Variants in EPC2 observed in about 807,000 individuals in gnomAD.
The protein encoded by EPC2 is enhancer of polycomb homolog 2.
Under a neutral mutation model 92.1 loss-of-function variants are expected in EPC2, and 14 were observed. That is an observed-to-expected ratio of 0.15 (90% CI 0.10 to 0.24). The LOEUF (loss-of-function observed/expected upper bound fraction) is 0.24. Ranked by LOEUF, EPC2 falls within the 10% of genes least tolerant of loss-of-function variation. The pLI is 1.00. For missense variants in EPC2, 755 were observed against 971.5 expected, an observed-to-expected ratio of 0.78 and a Z score of 2.96; for synonymous variants, 340 against 334.7, an observed-to-expected ratio of 1.02 and a Z score of -0.17.
chr2:148,753,414 TAA>T (rs1259228899), intron 3 of EPC2, among the ~76,000 whole-genome samples: 2 of 152,242 alleles, frequency 1.3e-5, no homozygotes, highest in African/African-American at 4.8e-5. Context: ...GGAAACATGC[TAA>T]GTTTGTTTTT....
rs1278627257 is a variant in EPC2, at chr2:148,770,873, A to G, written c.1312A>G (p.Thr438Ala). Residue 438 changes from threonine to alanine, a missense_variant, in exon 9 of 14, where the codon ACA becomes GCA. Around this residue, in one of 4 missense-constraint regions of EPC2, gnomAD observed 509 missense variants for 607.7 expected, o/e 0.84. Transcript: ENST00000258484. Reference protein sequence around the residue: ...LDKLRYRHCLTTLTVPRRCIG... With the variant: ...LDKLRYRHCLATLTVPRRCIG... ...TAAGTTGAGGTATAGGCATTGCCTTACAACACTTACAGTCCCAAGAAGATG... is the reference window on the plus strand; with the variant it reads ...TAAGTTGAGGTATAGGCATTGCCTTGCAACACTTACAGTCCCAAGAAGATG... 1 of 1,613,878 alleles carries G rather than the reference A, an allele frequency of 6.2e-7. No individual in the cohort carries two copies. Among genetic ancestry groups the G allele is most frequent in the Non-Finnish European group, 8.5e-7 (1 of 1,179,842 alleles).
intron 1 of EPC2, chr2:148,645,465 C>T (rs548935515): frequency 8.3e-6 from 3 of 363,536 alleles, no homozygotes; most frequent in East Asian, 1.3e-4. Context: ...ATGCGCTGGC[C>T]GCTCTTGGCG....
chr2:148,785,152 C>A (rs1683840230), intron 13 of EPC2, among the ~76,000 whole-genome samples, 151 bp downstream of exon 13: 1 of 152,084 alleles, frequency 6.6e-6, no homozygotes, highest in Non-Finnish European at 1.5e-5. Flanking sequence ...AGCTCTGTGA[C>A]TTAGGTATTT....
At chr2:148,673,153 A>T (rs976227829) in intron 1 of EPC2, among the ~76,000 whole-genome samples, 1 of 152,112 alleles carries the variant, frequency 6.6e-6, no homozygotes, top group South Asian at 2.1e-4. Context: ...TAATTATTAT[A>T]ATGTTTCTCA....
At chr2:148,665,665 C>G (rs1199961709) in intron 1 of EPC2, among the ~76,000 whole-genome samples, 1 of 152,076 alleles carries the variant, frequency 6.6e-6, no homozygotes, top group Non-Finnish European at 1.5e-5. Flanking sequence ...GTTTTCTGCA[C>G]AAGATTGTTT....
chr2:148,777,047 A>G (rs188341634), intron 10 of EPC2, among the ~76,000 whole-genome samples: 5 of 151,864 alleles, frequency 3.3e-5, no homozygotes, highest in Admixed American at 2.0e-4. Flanking sequence ...TTTAGGAGAG[A>G]CGGGGTTTCA....
intron 1 of EPC2, among the ~76,000 whole-genome samples, chr2:148,679,263 C>A (rs1378910765): frequency 6.6e-6 from 1 of 152,148 alleles, no homozygotes; most frequent in African/African-American, 2.4e-5. Flanking sequence ...TAACACTCTT[C>A]TCTAGTAAGG....
chr2:148,728,249 G>A (rs1025369495), intron 2 of EPC2, among the ~76,000 whole-genome samples: 1 of 152,114 alleles, frequency 6.6e-6, no homozygotes, highest in Non-Finnish European at 1.5e-5. Context: ...CCAAGAAAGT[G>A]TATTTTTAAA....
At chr2:148,735,243 A>G (rs1001316994) in intron 2 of EPC2, among the ~76,000 whole-genome samples, 1 of 152,024 alleles carries the variant, frequency 6.6e-6, no homozygotes, top group Non-Finnish European at 1.5e-5. Flanking sequence ...CTTCAAACTG[A>G]TATCAGTTTA....
At chr2:148,761,629 A>G (rs1416945829) in intron 4 of EPC2, among the ~76,000 whole-genome samples, 153 bp from the exon 5 acceptor site, 2 of 152,152 alleles carry the variant, frequency 1.3e-5, no homozygotes, top group African/African-American at 4.8e-5. Context: ...AGAGTTAAAT[A>G]GTTATAGGTT....
At chr2:148,647,196 G>A (rs1683821686) in intron 1 of EPC2, among the ~76,000 whole-genome samples, 1 of 152,118 alleles carries the variant, frequency 6.6e-6, no homozygotes, top group Admixed American at 6.6e-5. Context: ...ACCAACATAC[G>A]TGGTCCTTAG....
At chr2:148,718,249 A>T (rs1273245818) in intron 2 of EPC2, among the ~76,000 whole-genome samples, 1 of 152,084 alleles carries the variant, frequency 6.6e-6, no homozygotes. Context: ...ACATTTAAGG[A>T]TAGAATTCTT....
At chr2:148,685,889 A>T (rs995035100) in intron 1 of EPC2, among the ~76,000 whole-genome samples, 12 of 152,272 alleles carry the variant, frequency 7.9e-5, no homozygotes, top group African/African-American at 2.9e-4. Context: ...TTGCTAAAAA[A>T]TGGTTGCTAA....
At chr2:148,735,830 T>TATAAG (rs70995332) in intron 2 of EPC2, among the ~76,000 whole-genome samples, 29,779 of 151,760 alleles carry the variant, frequency 0.2, 3,520 homozygotes, top group East Asian at 0.48. Flanking sequence ...TTGACTGTCT[T>TATAAG]ATAAGTGATC....
intron 1 of EPC2, among the ~76,000 whole-genome samples, chr2:148,652,673 C>T (rs186900129): frequency 6.6e-6 from 1 of 152,168 alleles, no homozygotes; most frequent in East Asian, 1.9e-4. Context: ...ATGAAAAGAA[C>T]TAACAAATGT....
intron 2 of EPC2, among the ~76,000 whole-genome samples, chr2:148,712,310 C>T (rs1682160848): frequency 6.6e-6 from 1 of 151,932 alleles, no homozygotes; most frequent in Admixed American, 6.6e-5. Context: ...TCCAAGGCCA[C>T]TTGCAAGTAG....
chr2:148,647,256 A>ATT (rs1244579997), intron 1 of EPC2, among the ~76,000 whole-genome samples: 1 of 152,124 alleles, frequency 6.6e-6, no homozygotes. Context: ...ACTTAGAGTA[A>ATT]TTTTTTCATG....
intron 4 of EPC2, among the ~76,000 whole-genome samples, chr2:148,760,124 TC>T (rs1683273926): frequency 2.0e-5 from 3 of 152,072 alleles, no homozygotes; most frequent in Admixed American, 2.0e-4. Flanking sequence ...ATTCGTGTAA[TC>T]CCAGCTACTG....
chr2:148,683,440 G>T (rs982428204), intron 1 of EPC2, among the ~76,000 whole-genome samples: 1 of 151,892 alleles, frequency 6.6e-6, no homozygotes. Flanking sequence ...GCTAATTTTT[G>T]TAATTTTAGT....
Sources: gnomAD v4.1 joint callset for allele counts (sites outside exome capture counted in the v4.1 genomes callset) on GRCh38, gnomAD v4.1.1 for gene constraint, gnomAD v4.1.1 regional missense constraint, MANE v1.5 for transcripts, NCBI Gene and HGNC (gene_info 2026-07-23, HGNC 2026-07-21) for gene names.